IL3RA: variants seen among roughly 807,000 people sequenced by gnomAD.
IL3RA encodes the protein interleukin 3 receptor subunit alpha.
Under a neutral mutation model 52.3 loss-of-function variants are expected in IL3RA, and 73 were observed. The ratio of observed to expected loss-of-function variants is 1.40; its 90% CI spans 1.16 to 1.70. IL3RA has a LOEUF of 1.70. Among genes scored for constraint, IL3RA ranks in the 40% most tolerant of loss-of-function variants. IL3RA has a pLI of 0.00. For missense variants in IL3RA, 664 were observed against 504.4 expected, an observed-to-expected ratio of 1.32 and a Z score of -3.03; for synonymous variants, 260 against 194.0, an observed-to-expected ratio of 1.34 and a Z score of -2.83.
intron 7 of IL3RA, among the ~76,000 whole-genome samples, chrX:1,358,469 C>T (rs2086905910): frequency 6.6e-6 from 1 of 152,026 alleles, no homozygotes; most frequent in Non-Finnish European, 1.5e-5. Flanking sequence ...ACCATCCTGG[C>T]CAACATGGTG....
chrX:1,374,852 TC>T (rs2088673314), intron 9 of IL3RA, among the ~76,000 whole-genome samples: 1 of 6,418 alleles, frequency 1.6e-4, no homozygotes, highest in Non-Finnish European at 2.6e-4. Flanking sequence ...ATCTCAGACC[TC>T]CAGCCTCCAG....
At chrX:1,346,347 G>A (rs1282725241) in intron 3 of IL3RA, among the ~76,000 whole-genome samples, 2 of 151,946 alleles carry the variant, frequency 1.3e-5, no homozygotes, top group Admixed American at 6.6e-5. Flanking sequence ...GCTGAGGCAG[G>A]AGAATCGCTT....
chrX:1,349,526 G>C (rs1226173840), intron 4 of IL3RA, among the ~76,000 whole-genome samples: 1 of 151,824 alleles, frequency 6.6e-6, no homozygotes, highest in Non-Finnish European at 1.5e-5. Context: ...TACCTGAGCT[G>C]GTCTCAAACT....
rs1289897889 is a variant in IL3RA at position 1,347,882 on chromosome X, T to TA, written c.184-544dup. On this transcript the variant is annotated intron_variant, in intron 3 of 11. Coordinates refer to ENST00000331035, the MANE Select transcript of IL3RA (RefSeq NM_002183.4). ...TGAAACCCCGTCTCTACTAAAAATA[T>TA]AAAAATTAGCCGGGCGTGGTGGCGG... Among the ~76,000 whole-genome samples the TA allele has an allele frequency of 1.4e-3, 211 of 146,566 alleles. 3 individuals carry two copies. The highest frequency in any genetic ancestry group is 4.9e-3 in the African/African-American group (195 of 39,442).
At position 1,370,579 on chromosome X, in the gene IL3RA, G is replaced by A. The variant is rs1421717492; in HGVS notation, c.874+5327G>A. ...AGAGGGACGACCCTGTGGGACACAG[G>A]GAGAAGACGGGGTCTCCAAGCCCAG... is the stretch of plus-strand genomic sequence containing the variant. On this transcript the variant is annotated intron_variant, in intron 9 of 11. Coordinates refer to ENST00000331035, the MANE Select transcript of IL3RA (RefSeq NM_002183.4). 1.7e-4 allele frequency among the ~76,000 whole-genome samples: 2 copies of A among 11,974 alleles called. 1 individual carries two copies. Among genetic ancestry groups the A allele is most frequent in the Non-Finnish European group, 2.9e-4 (2 of 6,808 alleles). 7.9% of individuals were successfully genotyped at this position (11,974 alleles called of 152,430 possible).
intron 9 of IL3RA, among the ~76,000 whole-genome samples, chrX:1,368,627 G>T (rs1365458625): frequency 2.6e-5 from 4 of 152,120 alleles, no homozygotes; most frequent in Non-Finnish European, 4.4e-5. Flanking sequence ...CATTAGGGTG[G>T]GCCCTAATCT....
intron 3 of IL3RA, among the ~76,000 whole-genome samples, chrX:1,347,995 C>G (rs1163411574): frequency 6.8e-6 from 1 of 147,356 alleles, no homozygotes; most frequent in Non-Finnish European, 1.5e-5. Flanking sequence ...CGAGATCGCG[C>G]CCCTGCACTC....
intron 8 of IL3RA, among the ~76,000 whole-genome samples, chrX:1,362,170 CTCTTTGTA>C (rs1225359615): frequency 6.7e-6 from 1 of 150,096 alleles, no homozygotes; most frequent in Non-Finnish European, 1.5e-5. Context: ...CTTTCCCTCT[CTCTTTGTA>C]TCTATGTCTT....
At chrX:1,343,008 G>T (rs2085553770) in intron 2 of IL3RA, among the ~76,000 whole-genome samples, 2 of 151,890 alleles carry the variant, frequency 1.3e-5, no homozygotes, top group South Asian at 4.2e-4. Flanking sequence ...CCGGGAGGAG[G>T]AGGTTGCAGT....
intron 4 of IL3RA, among the ~76,000 whole-genome samples, chrX:1,350,894 C>T (rs111261628): frequency 0.024 from 2,661 of 110,630 alleles, 84 homozygotes; most frequent in African/African-American, 0.087. Context: ...GTCTTAAACA[C>T]ACACACAGAT....
In IL3RA at chrX:1,381,027, C is replaced by T. The variant is rs202023307; in HGVS notation, c.985C>T (p.Leu329=). ...GCCATTTCTCTTTCCTCCGAGGTAT[C>T]TGGTGATGCAGAGACTCTTTCCCCG... ...VCVFVICRRY[L]VMQRLFPRIP... The change falls in exon 11 of 12, where the codon CTG becomes TTG. Residue 329 remains leucine (L), a synonymous_variant. Coordinates refer to ENST00000331035, the MANE Select transcript of IL3RA (RefSeq NM_002183.4). 21 of 1,613,632 alleles carry T rather than the reference C, an allele frequency of 1.3e-5. No homozygotes were observed. The highest frequency in any genetic ancestry group is 2.7e-5 in the African/African-American group (2 of 74,904).
At position 1,352,169 on chromosome X, in the gene IL3RA, G is replaced by T; in HGVS notation, c.368G>T (p.Ser123Ile). The change falls in exon 5 of 12, where the codon AGC becomes ATC. Residue 123 changes from serine to isoleucine, a missense_variant. By Grantham distance (142) the Ser-to-Ile change is moderately radical (BLOSUM62 -2). Coordinates refer to ENST00000331035, the MANE Select transcript of IL3RA (RefSeq NM_002183.4). ...CATGACGTGGATTTCTTGAGCTGCA[G>T]CTGGGCGGTAGGCCCGGGGGCCCCC... ...WIHDVDFLSC[S>I]WAVGPGAPAD... 6.2e-7 allele frequency: 1 copy of T among 1,613,840 alleles called. No homozygotes were observed. Among genetic ancestry groups the T allele is most frequent in the African/African-American group, 1.3e-5 (1 of 75,048 alleles).
intron 3 of IL3RA, among the ~76,000 whole-genome samples, chrX:1,345,787 G>A (rs2085717358): frequency 6.6e-6 from 1 of 151,892 alleles, no homozygotes; most frequent in Non-Finnish European, 1.5e-5. Flanking sequence ...ACCGCGCATG[G>A]CCCAGACTCT....
Position 1,348,334 on chromosome X carries a change from CG to C in IL3RA, c.184-96del, listed in dbSNP as rs777545913. The C allele has an allele frequency of 1.7e-4, 164 of 946,352 alleles. 1 individual carries two copies. Among genetic ancestry groups the C allele is most frequent in the African/African-American group, 1.2e-3 (76 of 61,950 alleles). 58.6% of individuals were successfully genotyped at this position (946,352 alleles called of 1,614,324 possible). On this transcript the variant is annotated intron_variant, in intron 3 of 11. Transcript: ENST00000331035. ...CGCCACTGCACTCCAGCGTGGGCGA[CG>C]AGAGCGAAACTCTGCCTCAAAAAAA...
intron 8 of IL3RA, among the ~76,000 whole-genome samples, chrX:1,363,554 C>T (rs2149104001): frequency 6.6e-6 from 1 of 151,402 alleles, no homozygotes; most frequent in South Asian, 2.1e-4. Flanking sequence ...CTCCAAAGTG[C>T]TGGGATTACA....
chrX:1,345,733 G>A (rs1436330102), intron 3 of IL3RA, among the ~76,000 whole-genome samples: 2 of 151,876 alleles, frequency 1.3e-5, no homozygotes, highest in South Asian at 2.1e-4. Flanking sequence ...CTCGTGATCT[G>A]CCCGCCTCGG....
Position 1,378,710 on chromosome X carries a change from T to C in IL3RA, c.926T>C (p.Leu309Pro). The change falls in exon 10 of 12, where the codon CTG (leucine) becomes CCG (proline). Residue 309 changes from leucine to proline, a missense_variant. Physicochemically the swap from Leu to Pro is moderately conservative, Grantham distance 98 (BLOSUM62 -3). Coordinates refer to ENST00000331035, the MANE Select transcript of IL3RA (RefSeq NM_002183.4). ...ACACGTGCCTGGCGGACGTCGCTGC[T>C]GATCGCGCTGGGGACGCTGCTGGCC... ...ANTRAWRTSL[L>P]IALGTLLALV... The C allele has an allele frequency of 6.2e-7, 1 of 1,612,726 alleles. No individual in the cohort carries two copies. The highest frequency in any genetic ancestry group is 8.5e-7 in the Non-Finnish European group (1 of 1,179,834).
In IL3RA at chrX:1,365,135, C is replaced by G. The variant is rs2087821157; in HGVS notation, c.760-3C>G. ...CTCTTCTTTATTTTCTTTCAAACCA[C>G]AGGTCAGAGACAGAACCTCCTTCCA... On this transcript the variant is annotated splice_region_variant and splice_polypyrimidine_tract_variant and intron_variant, in intron 8 of 11. Coordinates refer to ENST00000331035, the MANE Select transcript of IL3RA (RefSeq NM_002183.4). 1 of 1,602,442 alleles carries G rather than the reference C, an allele frequency of 6.2e-7. No homozygotes were observed. Among genetic ancestry groups the G allele is most frequent in the East Asian group, 2.2e-5 (1 of 44,664 alleles).
At chrX:1,355,485 G>GCCAGGGCTGGACTTCCTTACAGGGGC (rs2086638318) in intron 6 of IL3RA, among the ~76,000 whole-genome samples, 3 of 145,364 alleles carry the variant, frequency 2.1e-5, no homozygotes, top group Non-Finnish European at 4.6e-5. Context: ...GGAGGAGGGG[G>GCCAGGGCTGGACTTCCTTACAGGGGC]CCAGGGCTGG....
Sources: allele counts gnomAD v4.1 joint callset (sites outside exome capture counted in the v4.1 genomes callset), GRCh38; gene constraint gnomAD v4.1.1; transcripts MANE v1.5; gene names NCBI Gene and HGNC (gene_info 2026-07-23, HGNC 2026-07-21).